NR2C2: variants seen among roughly 807,000 people sequenced by gnomAD.
NR2C2 encodes the protein nuclear receptor subfamily 2 group C member 2, also known as Nuclear hormone receptor TR4.
Under a neutral mutation model 62.9 loss-of-function variants are expected in NR2C2, and 6 were observed. The ratio of observed to expected loss-of-function variants is 0.10; its 90% CI spans 0.05 to 0.19. NR2C2 has a LOEUF of 0.19. Among genes scored for constraint, NR2C2 ranks in the 10% least tolerant of loss-of-function variants. The pLI, the probability that NR2C2 is intolerant of heterozygous loss-of-function variation, is 1.00. For synonymous variants in NR2C2, 272 were observed against 273.8 expected, an observed-to-expected ratio of 0.99 and a Z score of 0.07; for missense variants, 479 against 762.7, an observed-to-expected ratio of 0.63 and a Z score of 4.38.
In NR2C2 at chr3:15,023,226, G is replaced by T; in HGVS notation, c.583G>T (p.Asp195Tyr). Residue 195 changes from aspartate to tyrosine, a missense_variant, in exon 6 of 14, where the codon GAT (aspartate) becomes TAT (tyrosine). Physicochemically the swap from Asp to Tyr is radical, Grantham distance 160. Around this residue, in one of 4 missense-constraint regions of NR2C2, gnomAD observed 51 missense variants for 137.5 expected, o/e 0.37. Transcript: ENST00000425241. ...TGTGCAGAGTGAACGGAAGCCCTTC[G>T]ATGTGCAACGGGAGAAACCAAGCAA... The part of the protein sequence containing the change: ...ESVQSERKPF[D>Y]VQREKPSNCA... 1.9e-6 allele frequency: 3 copies of T among 1,614,206 alleles called. No individual in the cohort carries two copies. Among genetic ancestry groups the T allele is most frequent in the Non-Finnish European group, 2.5e-6 (3 of 1,180,026 alleles).
chr3:15,043,511 A>G lies in NR2C2; in HGVS notation c.*503A>G, dbSNP rs1311923232. On this transcript the variant is annotated 3_prime_UTR_variant, in exon 14 of 14. Coordinates refer to ENST00000425241, the MANE Select transcript of NR2C2 (RefSeq NM_001291694.2). ...GGAAAACTGTGTATGTCTTTTGCCG[A>G]AATGCTAATGATTTCTGTGAAAACT... 1 of 152,722 alleles carries G rather than the reference A, an allele frequency of 6.5e-6. No homozygotes were observed. Among genetic ancestry groups the G allele is most frequent in the Non-Finnish European group, 1.5e-5 (1 of 68,080 alleles). 9.5% of individuals were successfully genotyped at this position (152,722 alleles called of 1,614,324 possible).
In NR2C2 at chr3:15,005,465, C is replaced by T. The variant is rs983133631; in HGVS notation, c.72+1479C>T. 2.0e-4 allele frequency among the ~76,000 whole-genome samples: 30 copies of T among 148,962 alleles called. 3 individuals are homozygous for T. Among genetic ancestry groups the T allele is most frequent in the South Asian group, 1.9e-3 (9 of 4,696 alleles). ...CTCCTGAGCTCAAGCAATCCACCTG[C>T]CTCAGCCTCCCAAAGTGCTGGGACT... On this transcript the variant is annotated intron_variant, in intron 2 of 13. Coordinates refer to ENST00000425241, the MANE Select transcript of NR2C2 (RefSeq NM_001291694.2).
intron 4 of NR2C2, among the ~76,000 whole-genome samples, chr3:15,017,528 T>C (rs2041544674): frequency 6.6e-6 from 1 of 152,134 alleles, no homozygotes; most frequent in African/African-American, 2.4e-5. Context: ...AACAAATGAG[T>C]GAAGCATGAA....
intron 13 of NR2C2, among the ~76,000 whole-genome samples, chr3:15,040,569 A>G (rs186057273): frequency 1.3e-5 from 2 of 152,316 alleles, no homozygotes; most frequent in Admixed American, 6.5e-5. Context: ...ACCAGCTCTT[A>G]GTCTTTCAGC....
intron 1 of NR2C2, among the ~76,000 whole-genome samples, chr3:14,989,204 G>C (rs2040595684): frequency 6.6e-6 from 1 of 152,148 alleles, no homozygotes; most frequent in Non-Finnish European, 1.5e-5. Flanking sequence ...GTGACTTCAG[G>C]AGCTCCCTCC....
At chr3:14,979,582 T>C (rs2040304799) in intron 1 of NR2C2, among the ~76,000 whole-genome samples, 1 of 152,124 alleles carries the variant, frequency 6.6e-6, no homozygotes, top group African/African-American at 2.4e-5. Flanking sequence ...GAGGGCAACA[T>C]TTAAACAGAA....
chr3:15,001,879 A>G lies in NR2C2; in HGVS notation c.-39-1997A>G, dbSNP rs1250027505. On this transcript the variant is annotated intron_variant, in intron 1 of 13. Transcript: ENST00000425241. Reference sequence around the variant, plus strand: ...GTGATCCTCCTACCTCGGTCTCCCAAAGTGCCAAGGTTACAGGCTTGAGCC... The same window carrying G: ...GTGATCCTCCTACCTCGGTCTCCCAGAGTGCCAAGGTTACAGGCTTGAGCC... Among the ~76,000 whole-genome samples the G allele has an allele frequency of 2.0e-5, 3 of 152,230 alleles. No homozygotes were observed. The East Asian group carries it at 5.8e-4, about 29-fold the overall frequency.
chr3:15,030,556 A>AG, intron 9 of NR2C2, 104 bp downstream of exon 9: 1 of 1,200,522 alleles, frequency 8.3e-7, no homozygotes, highest in Non-Finnish European at 1.1e-6. Context: ...GGCCAGGCAT[A>AG]GTGGCTCATG....
chr3:15,003,397 T>C (rs1381080605), intron 1 of NR2C2, among the ~76,000 whole-genome samples: 3 of 152,276 alleles, frequency 2.0e-5, no homozygotes, highest in African/African-American at 2.4e-5. Context: ...CTCCATCCCA[T>C]TGGGGCTGAG....
At chr3:15,010,804 C>T (rs181887337) in intron 2 of NR2C2, among the ~76,000 whole-genome samples, 2 of 152,224 alleles carry the variant, frequency 1.3e-5, no homozygotes, top group East Asian at 3.9e-4. Flanking sequence ...CTTCTACTTC[C>T]CAACATACCC....
intron 1 of NR2C2, among the ~76,000 whole-genome samples, chr3:14,962,209 G>A (rs993681850): frequency 1.3e-5 from 2 of 152,216 alleles, no homozygotes; most frequent in African/African-American, 4.8e-5. Flanking sequence ...AAATTGAAAT[G>A]TTTCTACAAA....
At chr3:14,963,513 G>A (rs2039748045) in intron 1 of NR2C2, among the ~76,000 whole-genome samples, 1 of 152,004 alleles carries the variant, frequency 6.6e-6, no homozygotes, top group Non-Finnish European at 1.5e-5. Context: ...CTGTCTCCCA[G>A]GCTGAAGTGC....
intron 1 of NR2C2, among the ~76,000 whole-genome samples, chr3:14,990,345 G>A (rs2040634778): frequency 6.6e-6 from 1 of 152,208 alleles, no homozygotes; most frequent in Non-Finnish European, 1.5e-5. Context: ...TAGGTGAAGG[G>A]AGAACTTTGT....
intron 1 of NR2C2, among the ~76,000 whole-genome samples, chr3:14,988,648 T>C (rs767324613): frequency 1.9e-4 from 29 of 152,222 alleles, no homozygotes; most frequent in African/African-American, 2.9e-4. Context: ...GTGAATAGAG[T>C]GTTTTGTTTC....
chr3:14,983,280 T>C (rs2040424796), intron 1 of NR2C2, among the ~76,000 whole-genome samples: 1 of 152,190 alleles, frequency 6.6e-6, no homozygotes, highest in African/African-American at 2.4e-5. Flanking sequence ...TAACCATCAT[T>C]CCATTCTCTA....
At chr3:14,973,760 T>C (rs1182829926) in intron 1 of NR2C2, among the ~76,000 whole-genome samples, 1 of 152,134 alleles carries the variant, frequency 6.6e-6, no homozygotes, top group Non-Finnish European at 1.5e-5. Flanking sequence ...TATTTCTGGC[T>C]CTCTCTCCTT....
chr3:15,013,863 C>A, intron 3 of NR2C2, 74 bp downstream of exon 3: 1 of 1,482,456 alleles, frequency 6.7e-7, no homozygotes, highest in Non-Finnish European at 9.4e-7. Context: ...CTTACATCTG[C>A]CTTCGAGGCC....
At chr3:14,955,146 G>C (rs559377130) in intron 1 of NR2C2, among the ~76,000 whole-genome samples, 2 of 152,124 alleles carry the variant, frequency 1.3e-5, no homozygotes, top group African/African-American at 4.8e-5. Flanking sequence ...GTGCCCTTTT[G>C]TATCTGCGTG....
At chr3:15,004,681 T>C (rs1046042006) in intron 2 of NR2C2, 177 of 1,557,326 alleles carry the variant, frequency 1.1e-4, no homozygotes, top group Non-Finnish European at 1.2e-4. Flanking sequence ...CAAAGATTTA[T>C]TGTTATCTCA....
Sources: allele counts gnomAD v4.1 joint callset (sites outside exome capture counted in the v4.1 genomes callset), GRCh38; gene constraint gnomAD v4.1.1; regional missense constraint gnomAD v4.1.1; transcripts MANE v1.5; gene names NCBI Gene and HGNC (gene_info 2026-07-23, HGNC 2026-07-21).